The following PTPRN2 variants were observed in gnomAD, a reference collection of about 807,000 sequenced individuals.
PTPRN2 encodes the protein protein tyrosine phosphatase receptor type N2, also known as receptor-type tyrosine-protein phosphatase N2.
In PTPRN2, 74 loss-of-function variants were observed where a neutral mutation model predicts 118.8. The ratio of observed to expected loss-of-function variants is 0.62; its 90% CI spans 0.52 to 0.76. PTPRN2 has a LOEUF of 0.76. Ranked by LOEUF, PTPRN2 falls within the 30% of genes least tolerant of loss-of-function variation. PTPRN2 has a pLI of 0.00. For missense variants in PTPRN2, 1,481 were observed against 1,394.4 expected, an observed-to-expected ratio of 1.06 and a Z score of -0.99; for synonymous variants, 641 against 608.0, an observed-to-expected ratio of 1.05 and a Z score of -0.80.
chr7:157,883,259 C>T (rs1208392220), intron 12 of PTPRN2, among the ~76,000 whole-genome samples: 1 of 149,790 alleles, frequency 6.7e-6, no homozygotes, highest in Non-Finnish European at 1.5e-5. Flanking sequence ...CAGAACACAC[C>T]ACCCGAAAAT....
intron 2 of PTPRN2, among the ~76,000 whole-genome samples, chr7:158,321,202 A>T (rs1249848925): frequency 6.6e-6 from 1 of 152,128 alleles, no homozygotes; most frequent in Non-Finnish European, 1.5e-5. Flanking sequence ...TCAGACGTGC[A>T]GTGCGGCCTC....
intron 11 of PTPRN2, among the ~76,000 whole-genome samples, chr7:158,071,568 CTGGTGGAGGTG>C (rs1811697314): frequency 1.4e-4 from 1 of 7,146 alleles, no homozygotes; most frequent in Non-Finnish European, 3.2e-4. Flanking sequence ...GGAGGTGCTC[CTGGTGGAGGTG>C]CTCCTGGTGG....
intron 3 of PTPRN2, among the ~76,000 whole-genome samples, chr7:158,252,226 C>T (rs1035991173): frequency 6.6e-6 from 1 of 152,140 alleles, no homozygotes; most frequent in Non-Finnish European, 1.5e-5. Flanking sequence ...ACAACTCTGC[C>T]TCGTCCCCAT....
chr7:158,378,544 C>A (rs151127488), intron 2 of PTPRN2, among the ~76,000 whole-genome samples: 1 of 152,160 alleles, frequency 6.6e-6, no homozygotes, highest in Admixed American at 6.6e-5. Context: ...CCCTCTATTG[C>A]GAATGCCCTG....
intron 1 of PTPRN2, 119 bp downstream of exon 1, chr7:158,587,439 T>TC (rs557152091): frequency 0.22 from 13,139 of 60,090 alleles, 1,568 homozygotes; most frequent in East Asian, 0.45. Context: ...GAGGCGCCTC[T>TC]CCCCCCGACC....
chr7:158,035,319 T>C (rs1808018202), intron 11 of PTPRN2, among the ~76,000 whole-genome samples: 1 of 152,234 alleles, frequency 6.6e-6, no homozygotes, highest in Non-Finnish European at 1.5e-5. Flanking sequence ...CCCAGTCTAA[T>C]GCATAAATAC....
Position 157,964,177 on chromosome 7 carries a change from A to G in PTPRN2, c.1724-65440T>C, listed in dbSNP as rs1248003949. Among the ~76,000 whole-genome samples the G allele has an allele frequency of 1.3e-5, 2 of 152,078 alleles. No homozygotes were observed. The highest frequency in any genetic ancestry group is 2.9e-5 in the Non-Finnish European group (2 of 68,010). On this transcript the variant is annotated intron_variant, in intron 11 of 22. Coordinates refer to ENST00000389418, the MANE Select transcript of PTPRN2 (RefSeq NM_002847.5). The surrounding 1 kb of genome is among the most constrained non-coding windows in gnomAD (Gnocchi z 9.0). ...CACCATGGGGACAGCTGGGTGGGGT[A>G]GTGTTGAGTTCTGGTCCTGGTCCCA...
chr7:158,361,972 T>C (rs71544586), intron 2 of PTPRN2, among the ~76,000 whole-genome samples: 146,627 of 152,184 alleles, frequency 0.96, 70,693 homozygotes, highest in African/African-American at 0.99. Flanking sequence ...CCTCCCTTCG[T>C]TTCTTGGCCC....
rs550163642 is a variant in PTPRN2 at position 158,132,456 on chromosome 7, C to T, written c.1556+1221G>A. Among the ~76,000 whole-genome samples, 214 of 83,876 alleles carry T rather than the reference C, an allele frequency of 2.6e-3. 2 individuals are homozygous for T. The South Asian group carries it at 0.034, about 13-fold the overall frequency. The allele number at this position is 83,876 out of a possible 152,430, so 55.0% of individuals were successfully genotyped here. ...CACACATACATATGCACAAACATAT[C>T]GACACAACACACACTCGTATACACA... On this transcript the variant is annotated intron_variant, in intron 9 of 22. Transcript: ENST00000389418.
rs1208186395 is a variant in PTPRN2, at chr7:157,779,658, T to C, written c.1789-96721A>G. ...CGAAGCACAAAGGCTGACCCTAGAC[T>C]CTGGCCAGGACGAGCTGGGGTGAGG... On this transcript the variant is annotated intron_variant, in intron 12 of 22. Coordinates refer to ENST00000389418, the MANE Select transcript of PTPRN2 (RefSeq NM_002847.5). This position sits in a 1 kb window ranked among gnomAD's most constrained non-coding sequence, Gnocchi z 4.7. Among the ~76,000 whole-genome samples the C allele has an allele frequency of 1.3e-5, 2 of 152,136 alleles. No individual in the cohort carries two copies. The highest frequency in any genetic ancestry group is 2.9e-5 in the Non-Finnish European group (2 of 68,026).
chr7:157,871,766 C>T (rs1811063993), intron 12 of PTPRN2, among the ~76,000 whole-genome samples: 1 of 150,354 alleles, frequency 6.7e-6, no homozygotes, highest in Non-Finnish European at 1.5e-5. Flanking sequence ...TGCACACATA[C>T]ACACACACAC....
chr7:157,881,332 C>T lies in PTPRN2; in HGVS notation c.1788+17341G>A, dbSNP rs893173947. ...GGTGAGCCTGATCCCATGTGACTGG[C>T]ATCCTTGTAGGAAGGAGATGCAGAC... On this transcript the variant is annotated intron_variant, in intron 12 of 22. Transcript: ENST00000389418. This position sits in a 1 kb window ranked among gnomAD's most constrained non-coding sequence, Gnocchi z 4.7. 7.4e-5 allele frequency among the ~76,000 whole-genome samples: 6 copies of T among 81,146 alleles called. No homozygotes were observed. The highest frequency in any genetic ancestry group is 3.8e-4 in the South Asian group (1 of 2,628). The allele number at this position is 81,146 out of a possible 152,430, so 53.2% of individuals were successfully genotyped here.
chr7:158,525,988 T>TCTGCAGAC lies in PTPRN2; in HGVS notation c.113-36211_113-36204dup, dbSNP rs1247425083. Among the ~76,000 whole-genome samples the TCTGCAGAC allele has an allele frequency of 4.6e-5, 7 of 152,190 alleles. No individual in the cohort carries two copies. In the East Asian group the frequency reaches 5.8e-4, roughly 13 times the overall value. On this transcript the variant is annotated intron_variant, in intron 1 of 22. Transcript: ENST00000389418. This position sits in a 1 kb window ranked among gnomAD's most constrained non-coding sequence, Gnocchi z 4.1. ...CAATGCCCCCCCATTGACTCGGCTC[T>TCTGCAGAC]CTGCAGACCTGCAGACCTGCAGCCC...
In PTPRN2 at chr7:158,052,171, A is replaced by G. The variant is rs543104417; in HGVS notation, c.1723+29127T>C. ...TATCTTAGACAGCAGGATTAAATTA[A>G]TATGGCAATGACTTCTACGGGAGGA... is the stretch of plus-strand genomic sequence containing the variant. On this transcript the variant is annotated intron_variant, in intron 11 of 22. Transcript: ENST00000389418. 3.3e-5 allele frequency among the ~76,000 whole-genome samples: 5 copies of G among 152,364 alleles called. No individual in the cohort carries two copies. The East Asian group carries it at 5.8e-4, about 18-fold the overall frequency.
At chr7:157,932,850 G>A (rs1799442642) in intron 11 of PTPRN2, among the ~76,000 whole-genome samples, 1 of 151,638 alleles carries the variant, frequency 6.6e-6, no homozygotes. Flanking sequence ...GTAAGGGTGA[G>A]TCATTCTGAT....
rs536209252 is a variant in PTPRN2 at position 158,368,636 on chromosome 7, C to T, written c.164-51704G>A. On this transcript the variant is annotated intron_variant, in intron 2 of 22. Transcript: ENST00000389418. The stretch of plus-strand genomic sequence containing the variant: ...AGGCCACTGCTTTGCTGCACAGGGA[C>T]GTCCAAGGACCAAGGCACAGAGCAG... Among the ~76,000 whole-genome samples the T allele has an allele frequency of 1.2e-4, 19 of 152,292 alleles. No homozygotes were observed. In the East Asian group the frequency reaches 3.1e-3, roughly 25 times the overall value.
chr7:158,522,238 G>A (rs1251011958), intron 1 of PTPRN2, among the ~76,000 whole-genome samples: 7 of 58,160 alleles, frequency 1.2e-4, no homozygotes, highest in Admixed American at 1.8e-4. Context: ...GCTCAGGAGG[G>A]AGGTCCACGT....
intron 12 of PTPRN2, among the ~76,000 whole-genome samples, chr7:157,773,682 G>C (rs932183777): frequency 1.3e-5 from 2 of 152,244 alleles, no homozygotes; most frequent in African/African-American, 2.4e-5. Context: ...TGTTGCCTCT[G>C]TTCCTTGGAG....
intron 12 of PTPRN2, among the ~76,000 whole-genome samples, chr7:157,687,336 T>G (rs1377690815): frequency 6.6e-6 from 1 of 152,242 alleles, no homozygotes; most frequent in Non-Finnish European, 1.5e-5. Flanking sequence ...AAATATGTGT[T>G]GACGGGTAGC....
Sources: allele counts gnomAD v4.1 joint callset (sites outside exome capture counted in the v4.1 genomes callset), GRCh38; gene constraint gnomAD v4.1.1; non-coding constraint Gnocchi (gnomAD v3.1); transcripts MANE v1.5; gene names NCBI Gene and HGNC (gene_info 2026-07-23, HGNC 2026-07-21).